Variants in SZT2 observed in about 807,000 individuals in gnomAD.
SZT2 encodes the protein SZT2 subunit of KICSTOR complex.
Under a neutral mutation model 404.2 loss-of-function variants are expected in SZT2, and 216 were observed. The observed-to-expected ratio is 0.53, with a 90% CI of 0.48 to 0.60. The LOEUF (loss-of-function observed/expected upper bound fraction) is 0.60, where lower values mean the gene tolerates loss of function less well. Among genes scored for constraint, SZT2 ranks in the 20% least tolerant of loss-of-function variants. The pLI is 0.00. For synonymous variants in SZT2, 1,693 were observed against 1,749.9 expected (o/e 0.97, Z 0.81); for missense variants, 3,857 against 4,459.2 (o/e 0.86, Z 3.85).
chr1:43,453,705 G>A lies in SZT2; in HGVS notation c.*3225G>A, dbSNP rs770343251. 9.1e-6 allele frequency: 13 copies of A among 1,421,330 alleles called. No individual in the cohort carries two copies. The African/African-American group carries it at 1.7e-4, about 18-fold the overall frequency. The allele number at this position is 1,421,330 out of a possible 1,614,324, so 88.0% of individuals were successfully genotyped here. ...GGCCACCTCGACGGCCTCGAAGCCC[G>A]AGCTGCCCGCGGCCCGCACCCGCGC... On this transcript the variant is annotated 3_prime_UTR_variant, in exon 72 of 72. Coordinates refer to ENST00000634258, the MANE Select transcript of SZT2 (RefSeq NM_001365999.1).
intron 3 of SZT2, 172 bp downstream of exon 3, chr1:43,403,946 A>G (rs1649986422): frequency 5.5e-6 from 4 of 725,044 alleles, no homozygotes; most frequent in Non-Finnish European, 6.7e-6. Flanking sequence ...GTGGTGACTC[A>G]TGCCTACAAT....
rs375081998 is a variant in SZT2, at chr1:43,430,702, C to T, written c.4687C>T (p.Pro1563Ser). ...GCCTGAGAGCTTCCTTCATGACCTG[C>T]CACCGCTCTTCCTGCACCTCACGTG... ...TGPESFLHDL[P>S]PLFLHLTCSV... Residue 1563 changes from proline to serine, a missense_variant, in exon 32 of 72, where the codon CCA becomes TCA. By Grantham distance (74) the Pro-to-Ser change is moderately conservative (BLOSUM62 -1). Transcript: ENST00000634258. The T allele has an allele frequency of 1.9e-6, 3 of 1,613,704 alleles. No individual in the cohort carries two copies. The highest frequency in any genetic ancestry group is 2.7e-5 in the African/African-American group (2 of 74,902).
intron 5 of SZT2, 89 bp downstream of exon 5, chr1:43,415,302 C>T: frequency 6.7e-7 from 1 of 1,489,938 alleles, no homozygotes; most frequent in Non-Finnish European, 9.0e-7. Flanking sequence ...CCAAATAGGG[C>T]AAAAAAGGGC....
In SZT2 at chr1:43,453,984, G is replaced by T; in HGVS notation, c.*3504G>T. 1 of 1,188,070 alleles carries T rather than the reference G, an allele frequency of 8.4e-7. No homozygotes were observed. The highest frequency in any genetic ancestry group is 4.5e-5 in the Admixed American group (1 of 22,192). The allele number at this position is 1,188,070 out of a possible 1,614,324, so 73.6% of individuals were successfully genotyped here. ...AAGCGCCTACGGTTAGCGAGAGAGG[G>T]ATCACGGGGAGAGGCGAAGGGGCGG... On this transcript the variant is annotated 3_prime_UTR_variant, in exon 72 of 72. Transcript: ENST00000634258.
At position 43,452,530 on chromosome 1, in the gene SZT2, C is replaced by T. The variant is rs1311169614; in HGVS notation, c.*2050C>T. On this transcript the variant is annotated 3_prime_UTR_variant, in exon 72 of 72. Coordinates refer to ENST00000634258, the MANE Select transcript of SZT2 (RefSeq NM_001365999.1). Reference sequence around the variant, plus strand: ...TCCCAGACATCTCAGTGTCCACCCACCGCCTCCTGCCTCCAGTACTTTCCA... The same window carrying T: ...TCCCAGACATCTCAGTGTCCACCCATCGCCTCCTGCCTCCAGTACTTTCCA... 6 of 660,440 alleles carry T rather than the reference C, an allele frequency of 9.1e-6. No homozygotes were observed. The South Asian group carries it at 9.9e-5, about 11-fold the overall frequency. 40.9% of individuals were successfully genotyped at this position (660,440 alleles called of 1,614,324 possible).
chr1:43,409,450 G>A (rs1465208297), intron 4 of SZT2: 1 of 381,496 alleles, frequency 2.6e-6, no homozygotes, highest in Non-Finnish European at 5.0e-6. Context: ...AGAAAGAAAG[G>A]TCATCCAAAC....
At position 43,422,651 on chromosome 1, in the gene SZT2, C is replaced by G. The variant is rs972175387; in HGVS notation, c.1922+19C>G. The G allele has an allele frequency of 2.0e-6, 3 of 1,502,696 alleles. No homozygotes were observed. The highest frequency in any genetic ancestry group is 4.1e-5 in the Admixed American group (2 of 49,308). 93.1% of individuals were successfully genotyped at this position (1,502,696 alleles called of 1,614,324 possible). On this transcript the variant is annotated intron_variant, in intron 13 of 71. Coordinates refer to ENST00000634258, the MANE Select transcript of SZT2 (RefSeq NM_001365999.1). ...TCTCCAGGTGGGCAAAGTGATGTCC[C>G]TTCACCCCCCGCCCCCCCACCCCCC...
At chr1:43,444,544 G>C (rs530569647) in intron 62 of SZT2, among the ~76,000 whole-genome samples, 1 of 152,176 alleles carries the variant, frequency 6.6e-6, no homozygotes, top group African/African-American at 2.4e-5. Context: ...TCTGTGCTAG[G>C]CCTACTTGCA....
At chr1:43,415,245 T>C (rs1570603953) in intron 5 of SZT2, 32 bp downstream of exon 5, 1 of 1,595,044 alleles carries the variant, frequency 6.3e-7, no homozygotes. Context: ...CAGAGGCAAC[T>C]TAGAAAGAGG....
Position 43,428,241 on chromosome 1 carries a change from G to A in SZT2, c.3921G>A (p.Gly1307=). The A allele has an allele frequency of 6.2e-7, 1 of 1,614,178 alleles. No homozygotes were observed. Among genetic ancestry groups the A allele is most frequent in the Non-Finnish European group, 8.5e-7 (1 of 1,180,016 alleles). ...QEHAQRCYVR[G]LFRSLQQAQS... ...CATGGCCCCTTCCACTTCCATCAGG[G>A]CTATTCCGCAGCTTGCAGCAAGCAC... is the stretch of plus-strand genomic sequence containing the variant. Residue 1307 remains glycine, a splice_region_variant and synonymous_variant, in exon 28 of 72, where the codon GGG becomes GGA. Coordinates refer to ENST00000634258, the MANE Select transcript of SZT2 (RefSeq NM_001365999.1).
intron 46 of SZT2, 193 bp downstream of exon 46, chr1:43,438,095 A>G (rs1373291284): frequency 3.4e-6 from 2 of 584,942 alleles, no homozygotes; most frequent in Non-Finnish European, 6.0e-6. Context: ...AGAACCTCCT[A>G]TTACTCTGCC....
chr1:43,393,977 G>C (rs758976436), intron 1 of SZT2: 13 of 551,866 alleles, frequency 2.4e-5, no homozygotes, highest in Non-Finnish European at 2.8e-5. Flanking sequence ...TATAGCAAAT[G>C]ATAGAATCAG....
At chr1:43,410,889 G>A (rs1405993884) in intron 4 of SZT2, among the ~76,000 whole-genome samples, 1 of 151,754 alleles carries the variant, frequency 6.6e-6, no homozygotes, top group Non-Finnish European at 1.5e-5. Flanking sequence ...GGCCTCTGAG[G>A]TGGGGTATAT....
At position 43,424,691 on chromosome 1, in the gene SZT2, T is replaced by G; in HGVS notation, c.2472-93T>G. The G allele has an allele frequency of 8.8e-7, 1 of 1,136,030 alleles. No homozygotes were observed. Among genetic ancestry groups the G allele is most frequent in the African/African-American group, 1.5e-5 (1 of 65,942 alleles). 70.4% of individuals were successfully genotyped at this position (1,136,030 alleles called of 1,614,324 possible). ...GCAGCAGACTTGGCTCCTTGAGGAC[T>G]GCTGGGAGGTGGGTGTATGTGGGGA... On this transcript the variant is annotated intron_variant, in intron 16 of 71. Transcript: ENST00000634258. This position sits in a 1 kb window ranked among gnomAD's most constrained non-coding sequence, Gnocchi z 4.1.
Position 43,419,766 on chromosome 1 carries a change from T to C in SZT2, c.912T>C (p.Phe304=). The C allele has an allele frequency of 2.5e-6, 4 of 1,598,478 alleles. No individual in the cohort carries two copies. ...VGGVYSYDCS[F]GHVPNVELMK... ...GAGTTTACTCTTATGACTGCAGTTT[T>C]GGCCATGTGCCCAATGTGGAATTAA... Residue 304 remains phenylalanine (F), a synonymous_variant, in exon 8 of 72, where the codon TTT becomes TTC. Transcript: ENST00000634258.
Position 43,430,759 on chromosome 1 carries a change from G to T in SZT2, c.4744G>T (p.Val1582Leu). Reference sequence around the variant, plus strand: ...GCGGCTACGTGGGCAGCACAGCTCAGTACCTGTGTGCAGCCTGCCTACCTG... The same window carrying T: ...GCGGCTACGTGGGCAGCACAGCTCATTACCTGTGTGCAGCCTGCCTACCTG... Reference protein sequence around the residue: ...SVRLRGQHSSVPVCSLPTCLG... With the variant: ...SVRLRGQHSSLPVCSLPTCLG... Residue 1582 changes from valine to leucine, a missense_variant, in exon 32 of 72, where the codon GTA becomes TTA. Val to Leu is a conservative substitution (Grantham distance 32). Transcript: ENST00000634258. The T allele has an allele frequency of 1.2e-6, 2 of 1,611,650 alleles. No individual in the cohort carries two copies. The highest frequency in any genetic ancestry group is 1.7e-6 in the Non-Finnish European group (2 of 1,179,470).
chr1:43,416,389 T>G (rs1300030813), intron 6 of SZT2, 146 bp from the exon 7 acceptor site: 9 of 701,644 alleles, frequency 1.3e-5, no homozygotes, highest in Non-Finnish European at 2.1e-5. Context: ...GAAAGGTGTT[T>G]GAAGTTTATA....
Position 43,428,041 on chromosome 1 carries a change from G to C in SZT2, c.3842G>C (p.Trp1281Ser), listed in dbSNP as rs757094934. The part of the protein sequence containing the change: ...FLDHPSPSSA[W>S]MEPRYKEAAN... ...GACCACCCCTCCCCATCCTCAGCCTGGATGGAACCCCGGTACAAGGAGGCA... is the reference window on the plus strand; with the variant it reads ...GACCACCCCTCCCCATCCTCAGCCTCGATGGAACCCCGGTACAAGGAGGCA... Residue 1281 changes from tryptophan (W) to serine (S), a missense_variant, in exon 27 of 72, where the codon TGG (tryptophan) becomes TCG (serine). By Grantham distance (177) the Trp-to-Ser change is radical. This residue lies in a region of SZT2 where 1,725 missense variants were observed against 1,881.0 expected (regional missense o/e 0.92). Transcript: ENST00000634258. The C allele has an allele frequency of 6.2e-7, 1 of 1,614,210 alleles. No individual in the cohort carries two copies.
At position 43,424,233 on chromosome 1, in the gene SZT2, T is replaced by C; in HGVS notation, c.2272T>C (p.Leu758=). 1.3e-6 allele frequency: 2 copies of C among 1,597,656 alleles called. No homozygotes were observed. Among genetic ancestry groups the C allele is most frequent in the Non-Finnish European group, 1.7e-6 (2 of 1,179,426 alleles). Reference sequence around the variant, plus strand: ...ATTTCCTAGGTATGAGAAGCTGCCCTTGGACTACCGGGCACCCTTCTTGCT... The same window carrying C: ...ATTTCCTAGGTATGAGAAGCTGCCCCTGGACTACCGGGCACCCTTCTTGCT... ...KLLIRYEKLP[L]DYRAPFLLTL... is the part of the protein sequence containing the mutation. Residue 758 remains leucine (L), a synonymous_variant, in exon 16 of 72, where the codon TTG becomes CTG. Coordinates refer to ENST00000634258, the MANE Select transcript of SZT2 (RefSeq NM_001365999.1). The surrounding 1 kb of genome is among the most constrained non-coding windows in gnomAD (Gnocchi z 4.1).
Sources: allele counts gnomAD v4.1 joint callset (sites outside exome capture counted in the v4.1 genomes callset), GRCh38; gene constraint gnomAD v4.1.1; regional missense constraint gnomAD v4.1.1; non-coding constraint Gnocchi (gnomAD v3.1); transcripts MANE v1.5; gene names NCBI Gene and HGNC (gene_info 2026-07-23, HGNC 2026-07-21).